Variants in SLC25A21 observed in about 807,000 individuals in gnomAD.
SLC25A21 encodes the protein solute carrier family 25 member 21.
Under a neutral mutation model 43.8 loss-of-function variants are expected in SLC25A21, and 47 were observed. That is an observed-to-expected ratio of 1.07 (90% CI 0.85 to 1.37). SLC25A21 has a LOEUF of 1.37. Ranked by LOEUF, SLC25A21 falls within the 40% of genes most tolerant of loss-of-function variation. SLC25A21 has a pLI of 0.00. For synonymous variants in SLC25A21, 131 were observed against 121.3 expected, an observed-to-expected ratio of 1.08 and a Z score of -0.52; for missense variants, 352 against 350.2, an observed-to-expected ratio of 1.00 and a Z score of -0.04.
chr14:36,755,392 CAT>C (rs1885885082), intron 3 of SLC25A21, among the ~76,000 whole-genome samples: 1 of 152,216 alleles, frequency 6.6e-6, no homozygotes, highest in African/African-American at 2.4e-5. Context: ...CACAAGCACT[CAT>C]GTGTGCACAC....
At chr14:37,085,844 G>A (rs532528070) in intron 1 of SLC25A21, among the ~76,000 whole-genome samples, 3 of 152,254 alleles carry the variant, frequency 2.0e-5, no homozygotes, top group East Asian at 3.9e-4. Context: ...GGTGGCTTAC[G>A]CCTGTAATCC....
chr14:37,076,306 G>A (rs1429764804), intron 1 of SLC25A21, among the ~76,000 whole-genome samples: 5 of 151,180 alleles, frequency 3.3e-5, no homozygotes, highest in African/African-American at 7.3e-5. Flanking sequence ...GATTACAGGC[G>A]TGCATCACCA....
intron 1 of SLC25A21, among the ~76,000 whole-genome samples, chr14:36,877,965 A>T (rs1336736263): frequency 6.6e-6 from 1 of 152,100 alleles, no homozygotes; most frequent in African/African-American, 2.4e-5. Flanking sequence ...TATTGAAGAC[A>T]TTTCGAGGAG....
chr14:36,902,440 A>AAC (rs3061763), intron 1 of SLC25A21, among the ~76,000 whole-genome samples: 17,959 of 150,050 alleles, frequency 0.12, 1,353 homozygotes, highest in East Asian at 0.35. Flanking sequence ...CGTATAGTAA[A>AAC]ACACACACAC....
At chr14:36,825,334 C>G (rs1198189394) in intron 2 of SLC25A21, among the ~76,000 whole-genome samples, 1 of 152,136 alleles carries the variant, frequency 6.6e-6, no homozygotes, top group African/African-American at 2.4e-5. Context: ...TGAACGCATA[C>G]TCAAAAGAGA....
intron 1 of SLC25A21, among the ~76,000 whole-genome samples, chr14:36,907,910 T>C (rs1337794776): frequency 6.6e-6 from 1 of 152,194 alleles, no homozygotes; most frequent in Non-Finnish European, 1.5e-5. Flanking sequence ...TCTTCTTTAT[T>C]TAAAAAGTAC....
chr14:36,840,530 C>T (rs1706197985), intron 2 of SLC25A21, among the ~76,000 whole-genome samples: 1 of 152,206 alleles, frequency 6.6e-6, no homozygotes, highest in Non-Finnish European at 1.5e-5. Flanking sequence ...CCTTACTAGT[C>T]TCACTAATGA....
intron 2 of SLC25A21, among the ~76,000 whole-genome samples, chr14:36,864,680 A>G (rs1485917771): frequency 6.6e-6 from 1 of 152,210 alleles, no homozygotes; most frequent in African/African-American, 2.4e-5. Context: ...ATTTAGCTAC[A>G]TGACAAAATC....
intron 3 of SLC25A21, among the ~76,000 whole-genome samples, chr14:36,800,726 G>A (rs1486794696): frequency 6.6e-6 from 1 of 151,682 alleles, no homozygotes; most frequent in Middle Eastern, 3.2e-3. Context: ...TGCTTAAAAA[G>A]GTAAATTTTA....
chr14:36,789,925 ATATATT>A (rs1265720523), intron 3 of SLC25A21, among the ~76,000 whole-genome samples: 5 of 124,960 alleles, frequency 4.0e-5, no homozygotes, highest in African/African-American at 1.5e-4. Context: ...TTATATATTT[ATATATT>A]ATATATAAAT....
chr14:36,731,516 A>C (rs1884824749), intron 4 of SLC25A21, among the ~76,000 whole-genome samples: 1 of 152,118 alleles, frequency 6.6e-6, no homozygotes, highest in South Asian at 2.1e-4. Context: ...CTTTTGAAAA[A>C]TCTTAGTTTT....
At position 36,974,402 on chromosome 14, in the gene SLC25A21, G is replaced by A. The variant is rs568319789; in HGVS notation, c.71-99398C>T. On this transcript the variant is annotated intron_variant, in intron 1 of 9. Coordinates refer to ENST00000331299, the MANE Select transcript of SLC25A21 (RefSeq NM_030631.4). Reference sequence around the variant, plus strand: ...TGTACACATACCTTCCTTTTGGCAAGTCTTCTACATTCAAGAACTTGCCAT... The same window carrying A: ...TGTACACATACCTTCCTTTTGGCAAATCTTCTACATTCAAGAACTTGCCAT... Among the ~76,000 whole-genome samples the A allele has an allele frequency of 2.6e-5, 4 of 152,274 alleles. No homozygotes were observed. In the East Asian group the frequency reaches 7.7e-4, roughly 29 times the overall value.
At chr14:36,727,692 A>G (rs377173536) in intron 5 of SLC25A21, among the ~76,000 whole-genome samples, 5 of 152,162 alleles carry the variant, frequency 3.3e-5, no homozygotes, top group African/African-American at 7.2e-5. Context: ...TGTCTCAAAA[A>G]AAAAGAAAAA....
chr14:36,950,676 C>G (rs947304845), intron 1 of SLC25A21, among the ~76,000 whole-genome samples: 5 of 152,194 alleles, frequency 3.3e-5, no homozygotes, highest in African/African-American at 1.2e-4. Context: ...GACATAGCCC[C>G]TGGCTACTGG....
intron 1 of SLC25A21, among the ~76,000 whole-genome samples, chr14:36,934,720 AAGAG>A (rs71124785): frequency 0.56 from 83,676 of 150,658 alleles, 24,402 homozygotes; most frequent in Non-Finnish European, 0.65. Flanking sequence ...ACACAGAGAA[AAGAG>A]AGAGAGAGAG....
At chr14:36,874,865 G>A (rs1890473313) in intron 2 of SLC25A21, 91 bp downstream of exon 2, 2 of 999,730 alleles carry the variant, frequency 2.0e-6, no homozygotes, top group South Asian at 1.7e-5. Context: ...GAAGCTACCG[G>A]CCTGGGACAA....
chr14:37,048,496 C>T (rs1961636433), intron 1 of SLC25A21, among the ~76,000 whole-genome samples: 1 of 151,738 alleles, frequency 6.6e-6, no homozygotes, highest in South Asian at 2.1e-4. Flanking sequence ...AAAAATGTAC[C>T]TCTACATTTT....
chr14:36,753,812 G>A (rs1426099475), intron 3 of SLC25A21, among the ~76,000 whole-genome samples: 2 of 152,084 alleles, frequency 1.3e-5, no homozygotes, highest in East Asian at 3.9e-4. Context: ...TCTCTATAGT[G>A]TATCCACCAA....
chr14:36,833,247 TG>T (rs1299642978), intron 2 of SLC25A21, among the ~76,000 whole-genome samples: 4 of 152,198 alleles, frequency 2.6e-5, no homozygotes, highest in African/African-American at 9.7e-5. Flanking sequence ...ACTGAGTTGA[TG>T]GACGATAGAA....
Sources: gnomAD v4.1 joint callset for allele counts (sites outside exome capture counted in the v4.1 genomes callset) on GRCh38, gnomAD v4.1.1 for gene constraint, MANE v1.5 for transcripts, NCBI Gene and HGNC (gene_info 2026-07-23, HGNC 2026-07-21) for gene names.